The following IL7 variants were observed in gnomAD, a reference collection of about 807,000 sequenced individuals.
IL7 encodes the protein interleukin-7.
In IL7, 3 loss-of-function variants were observed where a neutral mutation model predicts 21.6. The observed-to-expected ratio is 0.14, with a 90% CI of 0.06 to 0.36. The LOEUF (loss-of-function observed/expected upper bound fraction) is 0.36, where lower values mean the gene tolerates loss of function less well. Ranked by LOEUF, IL7 falls within the 10% of genes least tolerant of loss-of-function variation. The pLI, the probability that IL7 is intolerant of heterozygous loss-of-function variation, is 1.00. For synonymous variants in IL7, 62 were observed against 68.1 expected (o/e 0.91, Z 0.44); for missense variants, 175 against 200.2 (o/e 0.87, Z 0.76).
In IL7 at chr8:78,733,629, T is replaced by G; in HGVS notation, c.*84A>C. Reference sequence around the variant, plus strand: ...GCATTCAGTAACTTCTAGGAAGCATTCCACTCTGAAAAACTGCATAAGCAG... The same window carrying G: ...GCATTCAGTAACTTCTAGGAAGCATGCCACTCTGAAAAACTGCATAAGCAG... On this transcript the variant is annotated 3_prime_UTR_variant, in exon 6 of 6. Transcript: ENST00000263851. The G allele has an allele frequency of 2.1e-6, 3 of 1,433,534 alleles. No homozygotes were observed. The highest frequency in any genetic ancestry group is 2.8e-6 in the Non-Finnish European group (3 of 1,054,038). 88.8% of individuals were successfully genotyped at this position (1,433,534 alleles called of 1,614,324 possible). A position where few individuals can be genotyped will look rare whatever the true frequency, so the allele number is the denominator to read the frequency against.
downstream of IL7, among the ~76,000 whole-genome samples, chr8:78,713,432 A>G (rs370456363): frequency 6.6e-6 from 1 of 152,012 alleles, no homozygotes; most frequent in Non-Finnish European, 1.5e-5. Flanking sequence ...TATTGTTTGT[A>G]TATCTCATGC....
chr8:78,678,555 C>G (rs368489549), intron 4 of IL7: 29 of 1,599,052 alleles, frequency 1.8e-5, no homozygotes, highest in Non-Finnish European at 2.4e-5. Context: ...ATTTCTTTAT[C>G]TTAACAGAAA....
At chr8:78,799,072 G>C (rs912774988) in intron 1 of IL7, among the ~76,000 whole-genome samples, 66 of 152,184 alleles carry the variant, frequency 4.3e-4, no homozygotes, top group Admixed American at 7.8e-4. Flanking sequence ...TGATCATACA[G>C]GGACCTATTT....
intron 2 of IL7, among the ~76,000 whole-genome samples, chr8:78,756,752 C>T (rs1034532107): frequency 6.6e-6 from 1 of 151,498 alleles, no homozygotes; most frequent in Non-Finnish European, 1.5e-5. Flanking sequence ...CTTTTCATCT[C>T]CTTGGTTAAA....
At chr8:78,681,364 G>A (rs7823970) in intron 4 of IL7, among the ~76,000 whole-genome samples, 113,045 of 152,150 alleles carry the variant, frequency 0.74, 43,065 homozygotes, top group East Asian at 0.91. Flanking sequence ...AAGAACAGCA[G>A]AACATCAGTA....
chr8:78,771,934 A>G (rs1812971795), intron 2 of IL7, among the ~76,000 whole-genome samples: 5 of 152,208 alleles, frequency 3.3e-5, no homozygotes, highest in African/African-American at 9.6e-5. Flanking sequence ...TGAGATTTTT[A>G]AAGTAAGTCA....
chr8:78,704,745 G>T (rs1810717984), intron 3 of IL7, among the ~76,000 whole-genome samples: 1 of 152,150 alleles, frequency 6.6e-6, no homozygotes, highest in African/African-American at 2.4e-5. Flanking sequence ...GTCAGTCATA[G>T]ATTTGGTCTT....
intron 2 of IL7, chr8:78,761,408 A>G: frequency 1.9e-6 from 3 of 1,612,022 alleles, no homozygotes; most frequent in Non-Finnish European, 2.5e-6. Flanking sequence ...AACAACTTTC[A>G]TTTTGGAAGA....
intron 2 of IL7, among the ~76,000 whole-genome samples, chr8:78,772,959 C>T (rs11775264): frequency 0.044 from 6,710 of 152,202 alleles, 211 homozygotes; most frequent in Middle Eastern, 0.082. Context: ...TGAGCACCTT[C>T]GTCTTGCATC....
chr8:78,697,272 C>A, intron 3 of IL7: 1 of 649,626 alleles, frequency 1.5e-6, no homozygotes, highest in Non-Finnish European at 2.5e-6. Flanking sequence ...ACCATCATCA[C>A]CATTCATTTC....
rs1007537630 is a variant in IL7, at chr8:78,802,597, A to T, written c.10+2316T>A. 2.0e-5 allele frequency among the ~76,000 whole-genome samples: 3 copies of T among 151,756 alleles called. No homozygotes were observed. In the South Asian group the frequency reaches 6.2e-4, roughly 32 times the overall value. On this transcript the variant is annotated intron_variant, in intron 1 of 5. Transcript: ENST00000263851. ...AGGTGCCCACCACAACGCCTGGCAA[A>T]TTTTTTTGTATTTTTAGTTGAGACG...
chr8:78,738,607 C>A lies in IL7; in HGVS notation c.257G>T (p.Arg86Leu). 6.2e-7 allele frequency: 1 copy of A among 1,613,522 alleles called. No homozygotes were observed. Among genetic ancestry groups the A allele is most frequent in the Non-Finnish European group, 8.5e-7 (1 of 1,179,674 alleles). The change falls in exon 4 of 6, where the codon CGC becomes CTC. Residue 86 changes from arginine (R) to leucine (L), a missense_variant. Physicochemically the swap from Arg to Leu is moderately radical, Grantham distance 102 (BLOSUM62 -2). Transcript: ENST00000263851. ...KEGMFLFRAA[R>L]KLRQFLKMNS... ...CATTTTAAGAAATTGCCTCAACTTG[C>A]GAGCAGCACGGAATAAAAACATACC... is the stretch of plus-strand genomic sequence containing the variant.
chr8:78,735,375 C>T (rs1402641289), intron 5 of IL7, among the ~76,000 whole-genome samples: 3 of 146,852 alleles, frequency 2.0e-5, no homozygotes, highest in South Asian at 2.2e-4. Flanking sequence ...TGTAGTGGCG[C>T]GATCTCGGCT....
chr8:78,679,291 T>A (rs1420452006), intron 4 of IL7: 1 of 152,166 alleles, frequency 6.6e-6, no homozygotes, highest in Non-Finnish European at 1.5e-5. Context: ...TAGTAATCCC[T>A]TGGTATCTGT....
At chr8:78,739,856 G>A (rs1465984573) in intron 3 of IL7, 146 bp downstream of exon 3, 2 of 610,070 alleles carry the variant, frequency 3.3e-6, no homozygotes, top group East Asian at 4.1e-5. Flanking sequence ...TATAAAATTG[G>A]GCCATAGTAT....
intron 3 of IL7, among the ~76,000 whole-genome samples, chr8:78,687,583 TAATA>T (rs1328294565): frequency 1.4e-5 from 2 of 142,066 alleles, no homozygotes; most frequent in Non-Finnish European, 3.0e-5. Context: ...TATATTTACG[TAATA>T]AATTATATAT....
Position 78,797,980 on chromosome 8 carries a change from A to G in IL7, c.147+92T>C, listed in dbSNP as rs1416911526. The G allele has an allele frequency of 1.5e-5, 15 of 972,332 alleles. No individual in the cohort carries two copies. In the Admixed American group the frequency reaches 2.8e-4, roughly 18 times the overall value. The allele number at this position is 972,332 out of a possible 1,614,324, so 60.2% of individuals were successfully genotyped here. ...ATAGTTACTTCACTTTCTTGTCAAG[A>G]AAGATGAATACTTGATTATAAAACT... On this transcript the variant is annotated intron_variant, in intron 2 of 5. Transcript: ENST00000263851.
At chr8:78,783,632 G>T (rs1813414353) in intron 2 of IL7, among the ~76,000 whole-genome samples, 1 of 152,096 alleles carries the variant, frequency 6.6e-6, no homozygotes, top group Admixed American at 6.5e-5. Flanking sequence ...ATTAACATAT[G>T]TGGCAACTGT....
intron 2 of IL7, among the ~76,000 whole-genome samples, chr8:78,748,235 T>C (rs1465635194): frequency 6.6e-6 from 1 of 152,228 alleles, no homozygotes; most frequent in East Asian, 1.9e-4. Flanking sequence ...AGTTTACTTT[T>C]TTCAATGGTC....
Sources: gnomAD v4.1 joint callset for allele counts (sites outside exome capture counted in the v4.1 genomes callset) on GRCh38, gnomAD v4.1.1 for gene constraint, MANE v1.5 for transcripts, NCBI Gene and HGNC (gene_info 2026-07-23, HGNC 2026-07-21) for gene names.